The following ATF6 variants were observed in gnomAD, a reference collection of about 807,000 sequenced individuals.
The protein encoded by ATF6 is cyclic AMP-dependent transcription factor ATF-6 alpha.
In ATF6, 53 loss-of-function variants were observed where a neutral mutation model predicts 83.6. The observed-to-expected ratio is 0.63, with a 90% confidence interval of 0.51 to 0.80. ATF6 has a LOEUF of 0.80. ATF6 is among the 30% of genes least tolerant of loss of function. The pLI is 0.00. For missense variants in ATF6, 744 were observed against 797.9 expected, an observed-to-expected ratio of 0.93 and a Z score of 0.81; for synonymous variants, 288 against 285.8, an observed-to-expected ratio of 1.01 and a Z score of -0.08.
At chr1:161,910,058 A>G (rs1687959987) in intron 14 of ATF6, among the ~76,000 whole-genome samples, 1 of 152,260 alleles carries the variant, frequency 6.6e-6, no homozygotes, top group Non-Finnish European at 1.5e-5. Context: ...TCTGAAAAAG[A>G]GTAAGATGAA....
intron 6 of ATF6, among the ~76,000 whole-genome samples, chr1:161,798,099 G>T (rs573377926): frequency 6.6e-6 from 1 of 152,154 alleles, no homozygotes; most frequent in Non-Finnish European, 1.5e-5. Context: ...AAGATAACTG[G>T]CTAGCCATAT....
At chr1:161,794,180 A>C (rs906147108) in intron 6 of ATF6, among the ~76,000 whole-genome samples, 2 of 152,214 alleles carry the variant, frequency 1.3e-5, no homozygotes, top group Non-Finnish European at 2.9e-5. Context: ...CTGGGATTAC[A>C]GGTGTGAGCC....
At position 161,783,950 on chromosome 1, in the gene ATF6, T is replaced by C. The variant is rs115911797; in HGVS notation, c.248-40T>C. On this transcript the variant is annotated intron_variant, in intron 3 of 15. Transcript: ENST00000367942. ...TCTTGTTCATTTTATTATAAGTTTT[T>C]ATTGTCCAGTGGGTAAAACCTTTCC... The C allele has an allele frequency of 5.2e-3, 6,939 of 1,327,828 alleles. 23 individuals carry two copies. Among genetic ancestry groups the C allele is most frequent in the Non-Finnish European group, 6.3e-3 (5,921 of 934,964 alleles). The allele number at this position is 1,327,828 out of a possible 1,614,324, so 82.3% of individuals were successfully genotyped here.
intron 15 of ATF6, among the ~76,000 whole-genome samples, chr1:161,929,328 AT>A (rs1688386723): frequency 6.6e-6 from 1 of 152,196 alleles, no homozygotes; most frequent in Non-Finnish European, 1.5e-5. Flanking sequence ...CATAGCTTAC[AT>A]CAGTGATAGT....
intron 13 of ATF6, among the ~76,000 whole-genome samples, chr1:161,861,918 T>G (rs1006431680): frequency 1.3e-5 from 2 of 152,206 alleles, no homozygotes. Context: ...ATGTGCTGTG[T>G]GGAGAAACTA....
At chr1:161,883,108 AAG>A (rs748590561) in intron 14 of ATF6, among the ~76,000 whole-genome samples, 5 of 152,124 alleles carry the variant, frequency 3.3e-5, no homozygotes, top group Non-Finnish European at 7.4e-5. Flanking sequence ...CATGTTTCGA[AAG>A]AGTGTTAAAA....
intron 10 of ATF6, 31 bp from the exon 11 acceptor site, chr1:161,851,691 A>G (rs1299182082): frequency 2.6e-6 from 4 of 1,521,588 alleles, no homozygotes; most frequent in African/African-American, 1.4e-5. Context: ...TTAAGATACA[A>G]GGAAACAAAT....
At chr1:161,914,608 C>G (rs1409221059) in intron 15 of ATF6, among the ~76,000 whole-genome samples, 2 of 152,212 alleles carry the variant, frequency 1.3e-5, no homozygotes, top group Non-Finnish European at 2.9e-5. Flanking sequence ...TCTTTGAAAT[C>G]TCCTTTTCAG....
chr1:161,817,252 A>G lies in ATF6; in HGVS notation c.910-2381A>G, dbSNP rs142881375. On this transcript the variant is annotated intron_variant, in intron 7 of 15. Transcript: ENST00000367942. The stretch of plus-strand genomic sequence containing the variant: ...AAGCCCCTCTAAATTCCACAGATTA[A>G]TTAGCCTTTAAAGTAAGGTTGCCTT... Among the ~76,000 whole-genome samples, 425 of 152,340 alleles carry G rather than the reference A, an allele frequency of 2.8e-3. 3 individuals carry two copies. The highest frequency in any genetic ancestry group is 9.5e-3 in the African/African-American group (397 of 41,582).
intron 7 of ATF6, among the ~76,000 whole-genome samples, chr1:161,813,378 T>G (rs1035048371): frequency 7.2e-5 from 11 of 152,168 alleles, no homozygotes; most frequent in Non-Finnish European, 1.3e-4. Flanking sequence ...TTGTGCCAAT[T>G]AAATTAAGTG....
At chr1:161,916,262 C>T (rs1426652467) in intron 15 of ATF6, among the ~76,000 whole-genome samples, 8 of 152,026 alleles carry the variant, frequency 5.3e-5, no homozygotes, top group African/African-American at 1.9e-4. Context: ...TTTAGTCCAC[C>T]CAATTCTTAT....
chr1:161,796,616 C>T (rs1403232207), intron 6 of ATF6, among the ~76,000 whole-genome samples: 2 of 152,170 alleles, frequency 1.3e-5, no homozygotes, highest in African/African-American at 4.8e-5. Flanking sequence ...CTAATAAACT[C>T]CAAGTTCATT....
In ATF6 at chr1:161,773,314, T is replaced by A. The variant is rs1356764459; in HGVS notation, c.83-4930T>A. On this transcript the variant is annotated intron_variant, in intron 1 of 15. Transcript: ENST00000367942. ...ACACCTGGCTAAATTTTTTTTTGTA[T>A]TTTTAGTAGAGACGGGGTTTCACCG... Among the ~76,000 whole-genome samples the A allele has an allele frequency of 2.0e-5, 3 of 152,070 alleles. No individual in the cohort carries two copies. The East Asian group carries it at 5.8e-4, about 29-fold the overall frequency.
intron 5 of ATF6, 132 bp from the exon 6 acceptor site, chr1:161,791,992 C>T: frequency 1.2e-6 from 1 of 811,312 alleles, no homozygotes; most frequent in Non-Finnish European, 2.0e-6. Flanking sequence ...TGTAGCTATG[C>T]TTAAACTCCA....
Position 161,850,568 on chromosome 1 carries a change from A to G in ATF6, c.1320-1154A>G, listed in dbSNP as rs535402450. Among the ~76,000 whole-genome samples, 6 of 152,094 alleles carry G rather than the reference A, an allele frequency of 3.9e-5. No individual in the cohort carries two copies. In the East Asian group the frequency reaches 5.8e-4, roughly 15 times the overall value. On this transcript the variant is annotated intron_variant, in intron 10 of 15. Coordinates refer to ENST00000367942, the MANE Select transcript of ATF6 (RefSeq NM_007348.4). ...TTATTTTATGCATTTATTTTCTTCT[A>G]TTTGGTCCATCTTCCCCATTAAGGT...
rs1401538818 is a variant in ATF6, at chr1:161,863,462, A to G, written c.1719+150A>G. ...TGAGTGGAACAGTCTAAGTACTGTA[A>G]TATATGCTTTACTTTGAGCTGTTGA... On this transcript the variant is annotated intron_variant, in intron 14 of 15. Transcript: ENST00000367942. 3 of 539,292 alleles carry G rather than the reference A, an allele frequency of 5.6e-6. No individual in the cohort carries two copies. The African/African-American group carries it at 5.7e-5, about 10-fold the overall frequency. 33.4% of individuals were successfully genotyped at this position (539,292 alleles called of 1,614,324 possible).
At chr1:161,909,070 GT>G (rs2101886088) in intron 14 of ATF6, among the ~76,000 whole-genome samples, 1 of 152,276 alleles carries the variant, frequency 6.6e-6, no homozygotes, top group South Asian at 2.1e-4. Context: ...TTTGGTTTAG[GT>G]TTAGGTTTAA....
intron 15 of ATF6, among the ~76,000 whole-genome samples, chr1:161,920,646 C>G (rs1359945244): frequency 6.6e-6 from 1 of 151,252 alleles, no homozygotes; most frequent in Non-Finnish European, 1.5e-5. Flanking sequence ...AGCAAAGAAT[C>G]ACAGTGAATG....
At chr1:161,870,142 A>T (rs898926894) in intron 14 of ATF6, among the ~76,000 whole-genome samples, 2 of 151,824 alleles carry the variant, frequency 1.3e-5, no homozygotes, top group East Asian at 3.8e-4. Flanking sequence ...TTCATTGAAA[A>T]ATCTGCTGGA....
Sources: allele counts gnomAD v4.1 joint callset (sites outside exome capture counted in the v4.1 genomes callset), GRCh38; gene constraint gnomAD v4.1.1; transcripts MANE v1.5; gene names NCBI Gene and HGNC (gene_info 2026-07-23, HGNC 2026-07-21).